EPHA7: variants seen among roughly 807,000 people sequenced by gnomAD.
The protein encoded by EPHA7 is ephrin type-A receptor 7.
EPHA7 carries 25 observed loss-of-function variants against 112.6 expected under a neutral mutation model. The observed-to-expected ratio is 0.22, with a 90% CI of 0.16 to 0.31. The LOEUF is 0.31. Among genes scored for constraint, EPHA7 ranks in the 10% least tolerant of loss-of-function variants. The probability of loss-of-function intolerance (pLI) is 1.00; values close to 1 mark genes in which losing one functional copy is unlikely to be tolerated. For synonymous variants in EPHA7, 437 were observed against 406.5 expected (o/e 1.07, Z -0.90); for missense variants, 962 against 1,212.6 (o/e 0.79, Z 3.07).
At chr6:93,305,242 G>T (rs1482416360) in intron 5 of EPHA7, among the ~76,000 whole-genome samples, 1 of 151,166 alleles carries the variant, frequency 6.6e-6, no homozygotes, top group Non-Finnish European at 1.5e-5. Flanking sequence ...GGAAAGATTT[G>T]ATTAAGCAGG....
chr6:93,253,851 T>C (rs1462588946), intron 14 of EPHA7, among the ~76,000 whole-genome samples: 1 of 152,054 alleles, frequency 6.6e-6, no homozygotes, highest in African/African-American at 2.4e-5. Flanking sequence ...CACTCATATT[T>C]CAATAGGTTG....
intron 12 of EPHA7, 85 bp downstream of exon 12, chr6:93,257,377 A>C (rs1034222143): frequency 3.0e-6 from 3 of 1,010,422 alleles, no homozygotes; most frequent in Non-Finnish European, 3.0e-6. Flanking sequence ...CAAGGCTCTC[A>C]TTTTACATTG....
chr6:93,388,871 A>G (rs1777763686), intron 3 of EPHA7, among the ~76,000 whole-genome samples: 1 of 152,114 alleles, frequency 6.6e-6, no homozygotes, highest in Non-Finnish European at 1.5e-5. Context: ...TATGGGAGGA[A>G]ATGATATATT....
intron 15 of EPHA7, among the ~76,000 whole-genome samples, chr6:93,245,990 C>A (rs912807776): frequency 6.6e-6 from 1 of 152,088 alleles, no homozygotes; most frequent in Non-Finnish European, 1.5e-5. Context: ...AAGCCAAATG[C>A]AAAGGATGAA....
At chr6:93,296,081 T>C (rs1329918911) in intron 5 of EPHA7, among the ~76,000 whole-genome samples, 2 of 151,786 alleles carry the variant, frequency 1.3e-5, no homozygotes, top group African/African-American at 4.8e-5. Flanking sequence ...TGAGGTCTTC[T>C]TAATGCCATT....
intron 13 of EPHA7, 64 bp from the exon 14 acceptor site, chr6:93,254,860 A>G: frequency 4.5e-6 from 6 of 1,342,174 alleles, no homozygotes; most frequent in Non-Finnish European, 6.1e-6. Context: ...TTATGGCAAT[A>G]CCATAAATAC....
intron 5 of EPHA7, among the ~76,000 whole-genome samples, chr6:93,275,230 T>A (rs375002167): frequency 1.3e-5 from 2 of 151,898 alleles, no homozygotes; most frequent in Admixed American, 6.6e-5. Flanking sequence ...ATAATTTTCA[T>A]AATTATCAAA....
intron 5 of EPHA7, among the ~76,000 whole-genome samples, chr6:93,297,967 T>A (rs897530080): frequency 2.6e-5 from 4 of 152,190 alleles, no homozygotes; most frequent in African/African-American, 9.7e-5. Context: ...AAAGTAGCCC[T>A]CAGTGCAGCA....
chr6:93,371,891 T>C (rs112341125), intron 3 of EPHA7, among the ~76,000 whole-genome samples: 4 of 152,098 alleles, frequency 2.6e-5, no homozygotes, highest in African/African-American at 4.8e-5. Flanking sequence ...AGTTCAAAGA[T>C]TGCACCCAAA....
At chr6:93,256,506 A>C (rs1370579942) in intron 12 of EPHA7, among the ~76,000 whole-genome samples, 1 of 152,126 alleles carries the variant, frequency 6.6e-6, no homozygotes, top group Non-Finnish European at 1.5e-5. Flanking sequence ...AGAGAAACTA[A>C]AATGTAGAAA....
At chr6:93,313,366 T>A (rs1773636862) in intron 5 of EPHA7, among the ~76,000 whole-genome samples, 1 of 151,762 alleles carries the variant, frequency 6.6e-6, no homozygotes, top group African/African-American at 2.4e-5. Flanking sequence ...TAAGATGAAA[T>A]ATATACTATA....
chr6:93,272,506 C>A, intron 5 of EPHA7, 84 bp from the exon 6 acceptor site: 1 of 1,535,532 alleles, frequency 6.5e-7, no homozygotes, highest in Non-Finnish European at 8.9e-7. Flanking sequence ...CAGTCCCATG[C>A]TGTGCCAGTT....
intron 5 of EPHA7, among the ~76,000 whole-genome samples, chr6:93,320,331 T>G (rs139370202): frequency 5.6e-4 from 85 of 152,218 alleles, no homozygotes; most frequent in African/African-American, 2.0e-3. Context: ...TTTTAATATA[T>G]AAGTACATTT....
In EPHA7 at chr6:93,336,978, A is replaced by G. The variant is rs561002458; in HGVS notation, c.1324+19739T>C. Reference sequence around the variant, plus strand: ...CTCTATAGGGGTGGCAGTTTGAAGTAGTTAGAAAAAAGACATAAAAAGGAA... The same window carrying G: ...CTCTATAGGGGTGGCAGTTTGAAGTGGTTAGAAAAAAGACATAAAAAGGAA... On this transcript the variant is annotated intron_variant, in intron 5 of 16. Coordinates refer to ENST00000369303, the MANE Select transcript of EPHA7 (RefSeq NM_004440.4). 1.2e-4 allele frequency among the ~76,000 whole-genome samples: 19 copies of G among 152,208 alleles called. No individual in the cohort carries two copies. The East Asian group carries it at 1.9e-3, about 16-fold the overall frequency.
chr6:93,412,161 G>T (rs897846389), intron 2 of EPHA7, among the ~76,000 whole-genome samples: 1 of 151,824 alleles, frequency 6.6e-6, no homozygotes, highest in African/African-American at 2.4e-5. Context: ...TTCCCACTTT[G>T]TATTTATGAT....
chr6:93,399,371 G>C (rs1026048551), intron 3 of EPHA7, among the ~76,000 whole-genome samples: 8 of 151,934 alleles, frequency 5.3e-5, no homozygotes, highest in South Asian at 2.1e-4. Context: ...ATATCTACTT[G>C]AAAATAAAGA....
At chr6:93,285,837 C>G (rs955953278) in intron 5 of EPHA7, among the ~76,000 whole-genome samples, 1 of 152,114 alleles carries the variant, frequency 6.6e-6, no homozygotes, top group African/African-American at 2.4e-5. Flanking sequence ...GATGTACTGA[C>G]TTTCATCTTT....
rs1769743397 is a variant in EPHA7, at chr6:93,242,782, T to TA, written c.*643_*644insT. On this transcript the variant is annotated 3_prime_UTR_variant, in exon 17 of 17. Transcript: ENST00000369303. ...TTGCATTTTCTTGACTACCTGCCAA[T>TA]TAGCAAACAATATCAAAACAGCACT... 1 of 207,596 alleles carries TA rather than the reference T, an allele frequency of 4.8e-6. No homozygotes were observed. The highest frequency in any genetic ancestry group is 1.9e-4 in the South Asian group (1 of 5,328). The allele number at this position is 207,596 out of a possible 1,614,324, so 12.9% of individuals were successfully genotyped here. A position where few individuals can be genotyped will look rare whatever the true frequency, so the allele number is the denominator to read the frequency against.
At chr6:93,323,117 G>A (rs1383602159) in intron 5 of EPHA7, among the ~76,000 whole-genome samples, 1 of 151,490 alleles carries the variant, frequency 6.6e-6, no homozygotes, top group Non-Finnish European at 1.5e-5. Flanking sequence ...AGAATTTTTT[G>A]ATTATACATA....
Sources: allele counts gnomAD v4.1 joint callset (sites outside exome capture counted in the v4.1 genomes callset), GRCh38; gene constraint gnomAD v4.1.1; transcripts MANE v1.5; gene names NCBI Gene and HGNC (gene_info 2026-07-23, HGNC 2026-07-21).